BBS9: variants seen among roughly 807,000 people sequenced by gnomAD.
BBS9 encodes Bardet-Biedl syndrome 9.
BBS9 carries 89 observed loss-of-function variants against 117.7 expected under a neutral mutation model. That is an observed-to-expected ratio of 0.76 (90% CI 0.64 to 0.90). The LOEUF is 0.90. BBS9 is among the 40% of genes least tolerant of loss of function. The probability of loss-of-function intolerance (pLI) is 0.00; values close to 1 mark genes in which losing one functional copy is unlikely to be tolerated. For missense variants in BBS9, 982 were observed against 1,042.2 expected, an observed-to-expected ratio of 0.94 and a Z score of 0.80; for synonymous variants, 379 against 370.9, an observed-to-expected ratio of 1.02 and a Z score of -0.25.
intron 21 of BBS9, among the ~76,000 whole-genome samples, chr7:33,595,734 G>A (rs1255119325): frequency 2.0e-5 from 3 of 151,612 alleles, no homozygotes; most frequent in Non-Finnish European, 4.4e-5. Flanking sequence ...ACATATGCAT[G>A]TGTAATTATT....
At chr7:33,183,947 C>T (rs1276630757) in intron 5 of BBS9, among the ~76,000 whole-genome samples, 6 of 152,148 alleles carry the variant, frequency 3.9e-5, no homozygotes, top group South Asian at 4.1e-4. Context: ...AGGTACTCCT[C>T]TTTATGACAG....
In BBS9 at chr7:33,176,517, C is replaced by T. The variant is rs577000500; in HGVS notation, c.329-961C>T. ...AACTTAAGGTGCTTCAATTCTAAAA[C>T]GGAAATAAAAATATATTCTTACAAT... is the stretch of plus-strand genomic sequence containing the variant. On this transcript the variant is annotated intron_variant, in intron 4 of 22. Coordinates refer to ENST00000242067, the MANE Select transcript of BBS9 (RefSeq NM_198428.3). 3.3e-5 allele frequency among the ~76,000 whole-genome samples: 5 copies of T among 152,104 alleles called. No homozygotes were observed. The East Asian group carries it at 5.8e-4, about 18-fold the overall frequency.
chr7:33,308,939 T>C (rs937573749), intron 9 of BBS9, among the ~76,000 whole-genome samples: 1 of 152,212 alleles, frequency 6.6e-6, no homozygotes, highest in East Asian at 1.9e-4. Flanking sequence ...GTATAGATTG[T>C]ATTTTTAAGT....
chr7:33,225,536 C>T (rs1372893965), intron 5 of BBS9, among the ~76,000 whole-genome samples: 1 of 152,094 alleles, frequency 6.6e-6, no homozygotes, highest in African/African-American at 2.4e-5. Flanking sequence ...ATTGTACAAT[C>T]TTTAGCCAAG....
intron 15 of BBS9, among the ~76,000 whole-genome samples, chr7:33,356,412 A>G (rs1230861047): frequency 6.6e-6 from 1 of 151,812 alleles, no homozygotes; most frequent in Non-Finnish European, 1.5e-5. Context: ...CATGCCTCTA[A>G]AAACCTCACA....
intron 5 of BBS9, among the ~76,000 whole-genome samples, chr7:33,218,313 CCTTG>C (rs1789466976): frequency 6.6e-6 from 1 of 152,144 alleles, no homozygotes; most frequent in Non-Finnish European, 1.5e-5. Context: ...GAGTTTGAGT[CCTTG>C]CTTTACCATT....
intron 11 of BBS9, among the ~76,000 whole-genome samples, chr7:33,341,483 C>T (rs1816552870): frequency 6.6e-6 from 1 of 151,988 alleles, no homozygotes; most frequent in African/African-American, 2.4e-5. Context: ...CTGTTTCTAT[C>T]TGTGTGACAC....
Position 33,336,455 on chromosome 7 carries a change from T to C in BBS9, c.1031T>C (p.Val344Ala). The C allele has an allele frequency of 6.2e-7, 1 of 1,613,532 alleles. No homozygotes were observed. Among genetic ancestry groups the C allele is most frequent in the Non-Finnish European group, 8.5e-7 (1 of 1,179,598 alleles). ...RVGCLHDLKG[V>A]IVTLSDDGHL... ...CCTTATTGTAGTGATTTAAAGGGAG[T>C]GATAGTCACTCTGAGTGATGATGGT... Residue 344 changes from valine (V) to alanine (A), a missense_variant, in exon 10 of 23, where the codon GTG becomes GCG. Physicochemically the swap from Val to Ala is moderately conservative, Grantham distance 64. Transcript: ENST00000242067.
At chr7:33,437,554 A>C (rs915862713) in intron 19 of BBS9, among the ~76,000 whole-genome samples, 4 of 152,212 alleles carry the variant, frequency 2.6e-5, no homozygotes, top group Middle Eastern at 3.2e-3. Context: ...ATAGCTTCTT[A>C]GATAACTGTG....
intron 1 of BBS9, among the ~76,000 whole-genome samples, chr7:33,136,742 G>A (rs1790526506): frequency 6.6e-6 from 1 of 152,108 alleles, no homozygotes; most frequent in South Asian, 2.1e-4. Context: ...GTATTTTGTT[G>A]AGGATTTTTG....
chr7:33,247,323 C>G (rs1045847118), intron 5 of BBS9, among the ~76,000 whole-genome samples: 2 of 152,060 alleles, frequency 1.3e-5, no homozygotes, highest in Non-Finnish European at 2.9e-5. Flanking sequence ...CATTACTTTA[C>G]AGTTGAGGAA....
chr7:33,630,723 A>G lies in BBS9; in HGVS notation c.2522-4454A>G, dbSNP rs182528790. On this transcript the variant is annotated intron_variant, in intron 21 of 21. Coordinates refer to the BBS9 transcript ENST00000671952. ...TCTTCCTCTGACTTCCTCGCTGGGC[A>G]TCCCTACCTGCCATGCATACCTTTC... Among the ~76,000 whole-genome samples the G allele has an allele frequency of 5.3e-3, 808 of 152,262 alleles. 7 individuals are homozygous for G. The highest frequency in any genetic ancestry group is 0.019 in the African/African-American group (788 of 41,554).
intron 21 of BBS9, among the ~76,000 whole-genome samples, chr7:33,594,677 C>G (rs115041541): frequency 0.029 from 4,351 of 152,098 alleles, 81 homozygotes; most frequent in South Asian, 0.1. Flanking sequence ...GTCTTCCAGT[C>G]TTACCTAGAG....
chr7:33,147,320 T>C (rs144182783), intron 2 of BBS9, among the ~76,000 whole-genome samples: 214 of 152,334 alleles, frequency 1.4e-3, no homozygotes, highest in African/African-American at 5.0e-3. Flanking sequence ...TATTCTTTTG[T>C]TTACTGCATA....
chr7:33,580,032 G>A (rs1032388045), intron 21 of BBS9, among the ~76,000 whole-genome samples: 1 of 151,724 alleles, frequency 6.6e-6, no homozygotes, highest in African/African-American at 2.4e-5. Context: ...AACATTTGTC[G>A]ACCACTTTTG....
chr7:33,445,934 A>G (rs955958134), intron 19 of BBS9, among the ~76,000 whole-genome samples: 2 of 152,210 alleles, frequency 1.3e-5, no homozygotes, highest in African/African-American at 2.4e-5. Context: ...GTGGAACTGT[A>G]AGTCAGTTAT....
At chr7:33,590,467 T>TTTTTGTTTTTTTTTTG (rs1554551756) in intron 21 of BBS9, among the ~76,000 whole-genome samples, 7 of 78,932 alleles carry the variant, frequency 8.9e-5, no homozygotes, top group African/African-American at 2.1e-4. Context: ...TTGTTTTTTT[T>TTTTTGTTTTTTTTTTG]TTTTTTTTTT....
At chr7:33,481,694 G>A (rs1477140007) in intron 19 of BBS9, among the ~76,000 whole-genome samples, 2 of 152,156 alleles carry the variant, frequency 1.3e-5, no homozygotes, top group Non-Finnish European at 2.9e-5. Flanking sequence ...ATAATTTTAA[G>A]TAATCTTTTA....
intron 5 of BBS9, among the ~76,000 whole-genome samples, chr7:33,185,812 C>T (rs933424373): frequency 3.9e-5 from 6 of 152,140 alleles, no homozygotes; most frequent in African/African-American, 1.2e-4. Context: ...CAGTTTTAAG[C>T]AAATGTGTTA....
Sources: allele counts gnomAD v4.1 joint callset (sites outside exome capture counted in the v4.1 genomes callset), GRCh38; gene constraint gnomAD v4.1.1; transcripts MANE v1.5; gene names NCBI Gene and HGNC (gene_info 2026-07-23, HGNC 2026-07-21).